The following COL4A1 variants were observed in gnomAD, a reference collection of about 807,000 sequenced individuals.
The protein encoded by COL4A1 is collagen alpha-1(IV) chain.
Under a neutral mutation model 216.6 loss-of-function variants are expected in COL4A1, and 40 were observed. The observed-to-expected ratio is 0.18, with a 90% confidence interval of 0.14 to 0.24. The LOEUF (loss-of-function observed/expected upper bound fraction) is 0.24. Among genes scored for constraint, COL4A1 ranks in the 10% least tolerant of loss-of-function variants. The pLI is 1.00. For missense variants in COL4A1, 1,628 were observed against 2,196.8 expected, an observed-to-expected ratio of 0.74 and a Z score of 5.18; for synonymous variants, 839 against 810.7, an observed-to-expected ratio of 1.03 and a Z score of -0.59.
chr13:110,221,190 C>T (rs1880461143), intron 2 of COL4A1, among the ~76,000 whole-genome samples: 1 of 152,146 alleles, frequency 6.6e-6, no homozygotes, highest in Non-Finnish European at 1.5e-5. Flanking sequence ...ACACTCAAGT[C>T]ATATGTAATC....
At chr13:110,189,367 C>T (rs902986441) in intron 24 of COL4A1, among the ~76,000 whole-genome samples, 2 of 152,230 alleles carry the variant, frequency 1.3e-5, no homozygotes, top group Non-Finnish European at 2.9e-5. Context: ...CCAGCAGTGA[C>T]TGCATTTCAA....
chr13:110,247,973 T>C (rs1881904107), intron 1 of COL4A1, among the ~76,000 whole-genome samples: 1 of 152,096 alleles, frequency 6.6e-6, no homozygotes, highest in Non-Finnish European at 1.5e-5. Flanking sequence ...TTTTTTTTCC[T>C]GCTTTTGATG....
At chr13:110,261,422 G>A (rs986391946) in intron 1 of COL4A1, among the ~76,000 whole-genome samples, 5 of 152,224 alleles carry the variant, frequency 3.3e-5, no homozygotes, top group African/African-American at 1.2e-4. Context: ...TTGCTGCTGC[G>A]TTCTCCTGAA....
At chr13:110,223,501 C>T (rs1880599237) in intron 2 of COL4A1, among the ~76,000 whole-genome samples, 2 of 152,196 alleles carry the variant, frequency 1.3e-5, no homozygotes, top group South Asian at 4.1e-4. Flanking sequence ...TCTTTCTAAA[C>T]CTACTACCTA....
chr13:110,181,199 C>T, intron 29 of COL4A1, 93 bp downstream of exon 29: 1 of 1,235,536 alleles, frequency 8.1e-7, no homozygotes. Context: ...GCTGGCCCAA[C>T]ATGTCCTGGG....
At chr13:110,164,830 C>T (rs747904883) in intron 46 of COL4A1, 32 bp downstream of exon 46, 15 of 1,611,854 alleles carry the variant, frequency 9.3e-6, no homozygotes, top group Non-Finnish European at 1.3e-5. Flanking sequence ...CTGGGCTCCC[C>T]ATACCGCCCT....
At chr13:110,236,812 G>C (rs1382024625) in intron 2 of COL4A1, among the ~76,000 whole-genome samples, 2 of 152,182 alleles carry the variant, frequency 1.3e-5, no homozygotes, top group Non-Finnish European at 2.9e-5. Context: ...CCCTTAGAGA[G>C]GTTTTATTCC....
intron 49 of COL4A1, among the ~76,000 whole-genome samples, chr13:110,156,560 C>G (rs915755031): frequency 6.6e-6 from 1 of 152,188 alleles, no homozygotes; most frequent in Non-Finnish European, 1.5e-5. Context: ...GCCTCCCAAG[C>G]CAGGCTGATT....
chr13:110,191,641 A>G, intron 24 of COL4A1: 1 of 687,980 alleles, frequency 1.5e-6, no homozygotes, highest in Non-Finnish European at 2.6e-6. Flanking sequence ...TATGGATTTG[A>G]AAAAGCAACT....
At chr13:110,194,726 G>A (rs907656925) in intron 22 of COL4A1, among the ~76,000 whole-genome samples, 3 of 152,166 alleles carry the variant, frequency 2.0e-5, no homozygotes, top group Non-Finnish European at 4.4e-5. Flanking sequence ...TAACAAATCA[G>A]TCTGAGTTTT....
At chr13:110,220,009 A>G (rs1278931414) in intron 2 of COL4A1, among the ~76,000 whole-genome samples, 2 of 148,746 alleles carry the variant, frequency 1.3e-5, no homozygotes, top group Non-Finnish European at 3.0e-5. Context: ...TCACTCTGTC[A>G]CTGAGGCTGG....
At chr13:110,244,252 A>G (rs1297357468) in intron 1 of COL4A1, among the ~76,000 whole-genome samples, 1 of 152,200 alleles carries the variant, frequency 6.6e-6, no homozygotes, top group Non-Finnish European at 1.5e-5. Context: ...TTTATTTTGT[A>G]AAGCTAAATC....
chr13:110,301,341 G>A (rs116584179), intron 1 of COL4A1, among the ~76,000 whole-genome samples: 1 of 152,334 alleles, frequency 6.6e-6, no homozygotes, highest in African/African-American at 2.4e-5. Context: ...TCCCAAACAT[G>A]GTGGGATGCT....
intron 49 of COL4A1, among the ~76,000 whole-genome samples, chr13:110,156,104 G>A (rs1265717067): frequency 2.6e-5 from 4 of 152,162 alleles, no homozygotes; most frequent in Admixed American, 6.5e-5. Context: ...GATCCAACAC[G>A]AGTTATTTAA....
chr13:110,266,218 G>C (rs1352492083), intron 1 of COL4A1: 1 of 152,254 alleles, frequency 6.6e-6, no homozygotes, highest in Non-Finnish European at 1.5e-5. Context: ...AGCTGTTTCA[G>C]CCGTGCGGTC....
chr13:110,193,348 G>A (rs687617), intron 22 of COL4A1, among the ~76,000 whole-genome samples: 102,127 of 152,050 alleles, frequency 0.67, 34,894 homozygotes, highest in East Asian at 0.88. Context: ...GACTTCACTG[G>A]TTGGTGGACT....
rs527926185 is a variant in COL4A1 at position 110,203,073 on chromosome 13, C to A, written c.999+493G>T. ...ACTAAAAATACAAAAATTAGCTGGG[C>A]ATGGTGGCGGGCACCTGCGATCACA... On this transcript the variant is annotated intron_variant, in intron 18 of 51. Coordinates refer to ENST00000375820, the MANE Select transcript of COL4A1 (RefSeq NM_001845.6). 1.4e-4 allele frequency among the ~76,000 whole-genome samples: 22 copies of A among 152,144 alleles called. No homozygotes were observed. In the South Asian group the frequency reaches 4.4e-3, roughly 30 times the overall value.
chr13:110,214,777 C>T (rs1473882947), intron 2 of COL4A1, among the ~76,000 whole-genome samples: 6 of 152,262 alleles, frequency 3.9e-5, no homozygotes, highest in South Asian at 2.1e-4. Flanking sequence ...GGCTTGCAGG[C>T]GGCAGATCAT....
At chr13:110,296,391 T>A (rs1312517610) in intron 1 of COL4A1, among the ~76,000 whole-genome samples, 2 of 152,224 alleles carry the variant, frequency 1.3e-5, no homozygotes, top group African/African-American at 4.8e-5. Flanking sequence ...AAGAAGCTGA[T>A]CTCTTATAAG....
Sources: allele counts gnomAD v4.1 joint callset (sites outside exome capture counted in the v4.1 genomes callset), GRCh38; gene constraint gnomAD v4.1.1; transcripts MANE v1.5; gene names NCBI Gene and HGNC (gene_info 2026-07-23, HGNC 2026-07-21).